Variants in LRRC4C observed in about 807,000 individuals in gnomAD.
LRRC4C encodes the protein leucine rich repeat containing 4C.
LRRC4C carries 5 observed loss-of-function variants against 33.6 expected under a neutral mutation model. The ratio of observed to expected loss-of-function variants is 0.15; its 90% CI spans 0.08 to 0.31. The LOEUF (loss-of-function observed/expected upper bound fraction) is 0.31, where lower values mean the gene tolerates loss of function less well. Among genes scored for constraint, LRRC4C ranks in the 10% least tolerant of loss-of-function variants. LRRC4C has a pLI of 1.00. For missense variants in LRRC4C, 560 were observed against 796.7 expected (o/e 0.70, Z 3.58); for synonymous variants, 329 against 302.0 (o/e 1.09, Z -0.93).
rs1195557556 is a variant in LRRC4C, at chr11:40,178,179, G to T, written c.-95-37326C>A. Among the ~76,000 whole-genome samples, 5 of 152,286 alleles carry T rather than the reference G, an allele frequency of 3.3e-5. No individual in the cohort carries two copies. In the East Asian group the frequency reaches 9.6e-4, roughly 29 times the overall value. ...AGGCTGTACTACCCGATGGCAAGAAGGGAACAAAGAGAAATAAAGCGAGCT... is the reference window on the plus strand; with the variant it reads ...AGGCTGTACTACCCGATGGCAAGAATGGAACAAAGAGAAATAAAGCGAGCT... On this transcript the variant is annotated intron_variant, in intron 5 of 6. Coordinates refer to ENST00000528697, the MANE Select transcript of LRRC4C (RefSeq NM_001258419.2).
chr11:41,165,191 C>T (rs1944665720), intron 1 of LRRC4C, among the ~76,000 whole-genome samples: 1 of 152,122 alleles, frequency 6.6e-6, no homozygotes, highest in African/African-American at 2.4e-5. Context: ...ACCTTTCTCT[C>T]TCAAACTGTC....
At chr11:41,281,924 A>G (rs1375187613) in intron 1 of LRRC4C, among the ~76,000 whole-genome samples, 1 of 152,218 alleles carries the variant, frequency 6.6e-6, no homozygotes, top group East Asian at 1.9e-4. Flanking sequence ...ACCATGGAGC[A>G]CAAAAATGGG....
chr11:40,783,270 G>GTTTTA (rs140877222), intron 2 of LRRC4C, among the ~76,000 whole-genome samples: 1,906 of 150,392 alleles, frequency 0.013, 19 homozygotes, highest in African/African-American at 0.023. Flanking sequence ...AGTGAGCACT[G>GTTTTA]TTTTATTTTA....
chr11:41,212,361 C>T (rs1234209001), intron 1 of LRRC4C, among the ~76,000 whole-genome samples: 1 of 152,174 alleles, frequency 6.6e-6, no homozygotes, highest in Non-Finnish European at 1.5e-5. Flanking sequence ...AATATCTTTC[C>T]AATAATCTGA....
chr11:41,358,704 G>A (rs1388104274), intron 1 of LRRC4C, among the ~76,000 whole-genome samples: 1 of 152,062 alleles, frequency 6.6e-6, no homozygotes, highest in East Asian at 1.9e-4. Flanking sequence ...TTATTAGAAT[G>A]GCCCAAATCT....
intron 1 of LRRC4C, among the ~76,000 whole-genome samples, chr11:40,946,180 G>A (rs780551923): frequency 2.6e-5 from 4 of 152,140 alleles, no homozygotes; most frequent in Non-Finnish European, 5.9e-5. Flanking sequence ...AAGTGAGGAA[G>A]TGCAGTATTT....
At chr11:40,659,925 G>A (rs999107179) in intron 2 of LRRC4C, among the ~76,000 whole-genome samples, 5 of 152,238 alleles carry the variant, frequency 3.3e-5, no homozygotes, top group African/African-American at 1.2e-4. Flanking sequence ...GACTGAAAGA[G>A]CTGTAACACA....
chr11:41,054,999 T>C (rs1483880752), intron 1 of LRRC4C, among the ~76,000 whole-genome samples: 7 of 152,096 alleles, frequency 4.6e-5, no homozygotes, highest in Admixed American at 2.6e-4. Context: ...GCTTGGAAAA[T>C]TATCACAAAG....
intron 1 of LRRC4C, among the ~76,000 whole-genome samples, chr11:41,188,914 A>T (rs1013201889): frequency 9.2e-5 from 9 of 97,634 alleles, no homozygotes; most frequent in Non-Finnish European, 1.9e-4. Flanking sequence ...CCCCCCCCCA[A>T]AAAAAAGTAT....
chr11:40,848,176 T>C (rs1306148339), intron 2 of LRRC4C, among the ~76,000 whole-genome samples: 1 of 152,094 alleles, frequency 6.6e-6, no homozygotes, highest in Non-Finnish European at 1.5e-5. Context: ...TAGTTATTTC[T>C]TGTCTTCTGC....
At chr11:41,445,121 C>A (rs1955779886) in intron 1 of LRRC4C, among the ~76,000 whole-genome samples, 2 of 152,118 alleles carry the variant, frequency 1.3e-5, no homozygotes, top group Non-Finnish European at 1.5e-5. Flanking sequence ...AATTTCTATT[C>A]TTTTCCCCTT....
At chr11:41,217,149 A>G (rs879892111) in intron 1 of LRRC4C, among the ~76,000 whole-genome samples, 2 of 152,202 alleles carry the variant, frequency 1.3e-5, no homozygotes, top group Non-Finnish European at 2.9e-5. Flanking sequence ...AATTTTGGCC[A>G]TATAATGAAT....
chr11:40,223,822 C>G (rs1178487725), intron 5 of LRRC4C, among the ~76,000 whole-genome samples: 1 of 152,330 alleles, frequency 6.6e-6, no homozygotes, highest in Non-Finnish European at 1.5e-5. Context: ...TTCATGTATA[C>G]TTTTGCAGAA....
intron 2 of LRRC4C, among the ~76,000 whole-genome samples, chr11:40,696,754 A>ATATATATCTGAG (rs1565645989): frequency 2.2e-5 from 3 of 138,330 alleles, no homozygotes; most frequent in East Asian, 2.0e-4. Flanking sequence ...CTGTGTATAT[A>ATATATATCTGAG]TATATATATA....
chr11:41,206,621 T>C (rs2136291437), intron 1 of LRRC4C, among the ~76,000 whole-genome samples: 1 of 152,304 alleles, frequency 6.6e-6, no homozygotes, highest in African/African-American at 2.4e-5. Flanking sequence ...CACTTTGACA[T>C]GCAAAATTTA....
intron 1 of LRRC4C, among the ~76,000 whole-genome samples, chr11:41,032,244 A>G (rs540000110): frequency 1.6e-4 from 24 of 152,170 alleles, no homozygotes; most frequent in Middle Eastern, 3.4e-3. Context: ...ATTTGTGCTT[A>G]TTGAGTCAAG....
intron 3 of LRRC4C, among the ~76,000 whole-genome samples, chr11:40,380,560 G>A (rs1948825411): frequency 6.6e-6 from 1 of 152,130 alleles, no homozygotes; most frequent in Non-Finnish European, 1.5e-5. Flanking sequence ...TCATTTCTGT[G>A]ATTCAGTATT....
intron 2 of LRRC4C, among the ~76,000 whole-genome samples, chr11:40,787,216 A>C (rs894851772): frequency 6.6e-6 from 1 of 151,036 alleles, no homozygotes; most frequent in Non-Finnish European, 1.5e-5. Flanking sequence ...TATTTTCCCT[A>C]GGTGGTAAAA....
At chr11:40,533,536 A>G (rs1956355902) in intron 3 of LRRC4C, among the ~76,000 whole-genome samples, 1 of 152,094 alleles carries the variant, frequency 6.6e-6, no homozygotes, top group Admixed American at 6.6e-5. Flanking sequence ...GGAGCATTGT[A>G]GGTTTCTTTG....
Sources: allele counts gnomAD v4.1 joint callset (sites outside exome capture counted in the v4.1 genomes callset), GRCh38; gene constraint gnomAD v4.1.1; transcripts MANE v1.5; gene names NCBI Gene and HGNC (gene_info 2026-07-23, HGNC 2026-07-21).